The following SPAST variants were observed in gnomAD, a reference collection of about 807,000 sequenced individuals.
SPAST encodes spastic paraplegia 4 (autosomal dominant; spastin).
Under a neutral mutation model 76.6 loss-of-function variants are expected in SPAST, and 30 were observed. That is an observed-to-expected ratio of 0.39 (90% CI 0.29 to 0.53). The LOEUF is 0.53. Ranked by LOEUF, SPAST falls within the 20% of genes least tolerant of loss-of-function variation. SPAST has a pLI of 0.68. For missense variants in SPAST, 717 were observed against 770.5 expected (o/e 0.93, Z 0.82); for synonymous variants, 305 against 281.0 (o/e 1.09, Z -0.86).
rs569460552 is a variant in SPAST at position 32,154,276 on chromosome 2, A to ATT, written c.1729-97_1729-96dup. 35 of 1,055,658 alleles carry ATT rather than the reference A, an allele frequency of 3.3e-5. No individual in the cohort carries two copies. In the East Asian group the frequency reaches 6.9e-4, roughly 21 times the overall value. The allele number at this position is 1,055,658 out of a possible 1,614,324, so 65.4% of individuals were successfully genotyped here. A position where few individuals can be genotyped will look rare whatever the true frequency, so the allele number is the denominator to read the frequency against. ...TACATACACGTATATTTTTTATAAC[A>ATT]TTAAGAAACAGCAGCATCATTACTT... is the stretch of plus-strand genomic sequence containing the variant. On this transcript the variant is annotated intron_variant, in intron 16 of 16. Coordinates refer to ENST00000315285, the MANE Select transcript of SPAST (RefSeq NM_014946.4).
rs1558620181 is a variant in SPAST at position 32,083,761 on chromosome 2, TATATATATA to T, written c.416-3730_416-3722del. Among the ~76,000 whole-genome samples the T allele has an allele frequency of 5.5e-4, 52 of 94,186 alleles. 1 individual carries two copies. The highest frequency in any genetic ancestry group is 2.2e-3 in the African/African-American group (48 of 22,290). 61.8% of individuals were successfully genotyped at this position (94,186 alleles called of 152,430 possible). A position where few individuals can be genotyped will look rare whatever the true frequency, so the allele number is the denominator to read the frequency against. ...TATATTTATATATACTATATATATA[TATATATATA>T]TATATATTTTTTTTTTTTTTTGAGA... On this transcript the variant is annotated intron_variant, in intron 1 of 16. Transcript: ENST00000315285.
Position 32,098,853 on chromosome 2 carries a change from G to A in SPAST, c.644G>A (p.Ser215Asn), listed in dbSNP as rs774722817. ...TCACAAACGGACGTCTATAATGACA[G>A]TACTAACTTGGCATGCCGCAATGGA... Reference protein sequence around the residue: ...SKSQTDVYNDSTNLACRNGHL... With the variant: ...SKSQTDVYNDNTNLACRNGHL... The change falls in exon 4 of 17, where the codon AGT becomes AAT. Residue 215 changes from serine to asparagine, a missense_variant. Ser to Asn is a conservative substitution (Grantham distance 46, BLOSUM62 1). Coordinates refer to ENST00000315285, the MANE Select transcript of SPAST (RefSeq NM_014946.4). The A allele has an allele frequency of 3.7e-6, 6 of 1,613,790 alleles. No homozygotes were observed. Among genetic ancestry groups the A allele is most frequent in the Non-Finnish European group, 5.1e-6 (6 of 1,179,822 alleles).
intron 1 of SPAST, among the ~76,000 whole-genome samples, chr2:32,085,572 C>A (rs924013912): frequency 5.3e-5 from 8 of 152,096 alleles, no homozygotes; most frequent in Non-Finnish European, 1.2e-4. Flanking sequence ...CACCTACTGT[C>A]AACCAGCCGT....
chr2:32,144,796 G>A (rs1679832152), intron 14 of SPAST, 141 bp from the exon 15 acceptor site: 1 of 665,992 alleles, frequency 1.5e-6, no homozygotes, highest in African/African-American at 1.8e-5. Flanking sequence ...GGCTGAGGTA[G>A]GAGAATCGCT....
intron 1 of SPAST, among the ~76,000 whole-genome samples, chr2:32,065,818 G>T (rs570846627): frequency 6.6e-6 from 1 of 152,262 alleles, no homozygotes; most frequent in South Asian, 2.1e-4. Context: ...CCTTTGTGGG[G>T]CCTGGGAGTG....
intron 3 of SPAST, among the ~76,000 whole-genome samples, chr2:32,092,441 A>T (rs566635742): frequency 6.6e-6 from 1 of 152,336 alleles, no homozygotes; most frequent in East Asian, 1.9e-4. Context: ...TTTCAAAATT[A>T]ATAAGAGTTG....
At chr2:32,076,869 G>T (rs1167950904) in intron 1 of SPAST, among the ~76,000 whole-genome samples, 2 of 151,700 alleles carry the variant, frequency 1.3e-5, no homozygotes, top group African/African-American at 4.8e-5. Context: ...GCTTAATTGA[G>T]TGTTTGTTTT....
At chr2:32,113,001 T>C (rs772681305) in intron 4 of SPAST, among the ~76,000 whole-genome samples, 105 of 152,210 alleles carry the variant, frequency 6.9e-4, no homozygotes, top group Non-Finnish European at 1.3e-3. Flanking sequence ...ACAGCAACAC[T>C]GGACAAATAA....
At chr2:32,074,961 A>G (rs1356684086) in intron 1 of SPAST, among the ~76,000 whole-genome samples, 2 of 152,174 alleles carry the variant, frequency 1.3e-5, no homozygotes, top group African/African-American at 4.8e-5. Flanking sequence ...CTTGCACATA[A>G]TAGGTACTCA....
At chr2:32,093,756 G>A (rs1028827267) in intron 3 of SPAST, among the ~76,000 whole-genome samples, 5 of 151,956 alleles carry the variant, frequency 3.3e-5, no homozygotes, top group African/African-American at 1.2e-4. Context: ...TATAACCCTT[G>A]GCACTATACC....
At chr2:32,147,148 G>A (rs1364631003) in intron 15 of SPAST, 70 bp from the exon 16 acceptor site, 1 of 984,460 alleles carries the variant, frequency 1.0e-6, no homozygotes, top group Non-Finnish European at 1.7e-6. Context: ...ATTGTACTTG[G>A]TTTTGCCCTT....
Position 32,127,027 on chromosome 2 carries a change from G to C in SPAST, c.1173+5G>C. On this transcript the variant is annotated splice_donor_5th_base_variant and intron_variant, in intron 8 of 16. Transcript: ENST00000315285. Reference sequence around the variant, plus strand: ...GGGAATGGGAAGACAATGCTGGTAAGGGTTCTCTTCAAATTTGAGTTTTCT... The same window carrying C: ...GGGAATGGGAAGACAATGCTGGTAACGGTTCTCTTCAAATTTGAGTTTTCT... 6.2e-7 allele frequency: 1 copy of C among 1,600,324 alleles called. No individual in the cohort carries two copies. Among genetic ancestry groups the C allele is most frequent in the South Asian group, 1.1e-5 (1 of 90,806 alleles).
chr2:32,068,581 C>T (rs139585672), intron 1 of SPAST, among the ~76,000 whole-genome samples: 1 of 152,146 alleles, frequency 6.6e-6, no homozygotes, highest in African/African-American at 2.4e-5. Context: ...GCCTTGGCCT[C>T]ACAAACTGCT....
At chr2:32,070,694 A>G (rs1235273821) in intron 1 of SPAST, among the ~76,000 whole-genome samples, 7 of 152,140 alleles carry the variant, frequency 4.6e-5, no homozygotes, top group Non-Finnish European at 7.4e-5. Context: ...CAATGACACC[A>G]TCTTAGCTCA....
At chr2:32,089,836 T>C (rs1012542085) in intron 3 of SPAST, among the ~76,000 whole-genome samples, 37 of 152,056 alleles carry the variant, frequency 2.4e-4, no homozygotes, top group African/African-American at 8.7e-4. Flanking sequence ...TGATCTTGGC[T>C]CACTGCAAGC....
At chr2:32,088,970 T>C (rs1283429645) in intron 2 of SPAST, among the ~76,000 whole-genome samples, 1 of 152,134 alleles carries the variant, frequency 6.6e-6, no homozygotes, top group African/African-American at 2.4e-5. Context: ...GGAAAAAATA[T>C]TTTAGACCCC....
intron 1 of SPAST, among the ~76,000 whole-genome samples, chr2:32,067,092 C>A (rs894145435): frequency 4.6e-5 from 7 of 151,784 alleles, no homozygotes; most frequent in Admixed American, 3.9e-4. Flanking sequence ...GACGGAGTCT[C>A]GCTCAGTTGC....
At chr2:32,115,481 CTA>C (rs1391430175) in intron 5 of SPAST, among the ~76,000 whole-genome samples, 1 of 152,060 alleles carries the variant, frequency 6.6e-6, no homozygotes, top group Non-Finnish European at 1.5e-5. Context: ...TTTGTAAAAA[CTA>C]AATCTCTGGA....
intron 16 of SPAST, among the ~76,000 whole-genome samples, chr2:32,147,623 T>C (rs1360082033): frequency 2.5e-5 from 3 of 120,522 alleles, no homozygotes; most frequent in African/African-American, 1.1e-4. Context: ...GGCTGTTTTG[T>C]TTGTTTGTTT....
Sources: allele counts gnomAD v4.1 joint callset (sites outside exome capture counted in the v4.1 genomes callset), GRCh38; gene constraint gnomAD v4.1.1; transcripts MANE v1.5; gene names NCBI Gene and HGNC (gene_info 2026-07-23, HGNC 2026-07-21).